PCCA: variants seen among roughly 807,000 people sequenced by gnomAD.
The protein encoded by PCCA is propionyl-CoA carboxylase subunit alpha, also known as propionyl-CoA carboxylase alpha chain, mitochondrial.
In PCCA, 74 loss-of-function variants were observed where a neutral mutation model predicts 101.3. That is an observed-to-expected ratio of 0.73 (90% CI 0.61 to 0.89). The LOEUF is 0.89. Among genes scored for constraint, PCCA ranks in the 40% least tolerant of loss-of-function variants. The probability of loss-of-function intolerance (pLI) is 0.00; values close to 1 mark genes in which losing one functional copy is unlikely to be tolerated. For missense variants in PCCA, 891 were observed against 907.0 expected, an observed-to-expected ratio of 0.98 and a Z score of 0.23; for synonymous variants, 294 against 313.6, an observed-to-expected ratio of 0.94 and a Z score of 0.66.
chr13:100,382,153 C>T (rs566579008), intron 19 of PCCA, among the ~76,000 whole-genome samples: 43 of 152,268 alleles, frequency 2.8e-4, no homozygotes, highest in Non-Finnish European at 5.3e-4. Flanking sequence ...AATGAGGTCA[C>T]ACGAACTAAT....
chr13:100,093,365 G>GA (rs1210290006), intron 1 of PCCA, among the ~76,000 whole-genome samples: 3 of 152,288 alleles, frequency 2.0e-5, no homozygotes, highest in African/African-American at 7.2e-5. Context: ...TTGGAAGAAG[G>GA]AAGAAGAGAC....
At chr13:100,425,076 G>C (rs895888371) in intron 19 of PCCA, among the ~76,000 whole-genome samples, 2 of 152,044 alleles carry the variant, frequency 1.3e-5, no homozygotes, top group South Asian at 2.1e-4. Flanking sequence ...ATTCATGAAG[G>C]ATGACTGGAT....
chr13:100,427,931 T>C (rs2079267488), intron 20 of PCCA, among the ~76,000 whole-genome samples: 1 of 152,176 alleles, frequency 6.6e-6, no homozygotes, highest in African/African-American at 2.4e-5. Flanking sequence ...ATAGTACAGA[T>C]ATGAACTTCT....
At chr13:100,311,119 C>T (rs981748307) in intron 16 of PCCA, among the ~76,000 whole-genome samples, 4 of 150,786 alleles carry the variant, frequency 2.7e-5, no homozygotes, top group African/African-American at 9.8e-5. Flanking sequence ...CTGTAATCCC[C>T]GCTACTTGGG....
intron 10 of PCCA, 58 bp from the exon 11 acceptor site, chr13:100,268,631 C>T: frequency 9.2e-6 from 11 of 1,196,558 alleles, no homozygotes; most frequent in Admixed American, 3.4e-5. Flanking sequence ...AAAATATTAA[C>T]CATCATCTAC....
chr13:100,226,889 T>TA (rs2060174920), intron 7 of PCCA, among the ~76,000 whole-genome samples: 1 of 152,246 alleles, frequency 6.6e-6, no homozygotes, highest in Admixed American at 6.5e-5. Context: ...ATGAGATAGA[T>TA]ACTGTTATTA....
intron 2 of PCCA, among the ~76,000 whole-genome samples, chr13:100,106,897 G>A (rs2047853859): frequency 6.6e-6 from 1 of 152,142 alleles, no homozygotes; most frequent in Non-Finnish European, 1.5e-5. Context: ...CCCTCAGTGA[G>A]TGATGAATAT....
chr13:100,094,083 C>G, intron 1 of PCCA, among the ~76,000 whole-genome samples: 1 of 151,990 alleles, frequency 6.6e-6, no homozygotes, highest in East Asian at 1.9e-4. Context: ...ACAAAATTAG[C>G]CGGGCATGGT....
At chr13:100,407,440 TA>T (rs1351899888) in intron 19 of PCCA, among the ~76,000 whole-genome samples, 1 of 152,252 alleles carries the variant, frequency 6.6e-6, no homozygotes, top group African/African-American at 2.4e-5. Context: ...ATAAATTATT[TA>T]TTTTGCCAAA....
At chr13:100,154,772 G>T (rs1594411991) in intron 4 of PCCA, 1 of 559,058 alleles carries the variant, frequency 1.8e-6, no homozygotes, top group Non-Finnish European at 3.2e-6. Context: ...GTTAGACAAT[G>T]AATTAGGCTG....
intron 22 of PCCA, among the ~76,000 whole-genome samples, chr13:100,525,761 C>T (rs1054052231): frequency 4.6e-5 from 7 of 152,134 alleles, no homozygotes; most frequent in Middle Eastern, 3.4e-3. Flanking sequence ...ATGTACTTGG[C>T]GGGGGGACGG....
intron 18 of PCCA, among the ~76,000 whole-genome samples, chr13:100,346,424 C>T (rs1011867719): frequency 2.0e-5 from 3 of 152,190 alleles, no homozygotes; most frequent in African/African-American, 7.2e-5. Flanking sequence ...GAAGATGTGA[C>T]TCAGTTGCTG....
intron 19 of PCCA, among the ~76,000 whole-genome samples, chr13:100,386,627 C>T (rs1366621311): frequency 2.6e-5 from 4 of 152,220 alleles, no homozygotes; most frequent in East Asian, 1.9e-4. Flanking sequence ...GTGATCCACC[C>T]GCCTCGGCTT....
Position 100,089,113 on chromosome 13 carries a change from G to A in PCCA, c.-8G>A, listed in dbSNP as rs2152189039. ...AGGTCAGCAGAGGGGCGGTCTGCGG[G>A]GACAACAATGGCGGGGTTCTGGGTC... On this transcript the variant is annotated 5_prime_UTR_variant, in exon 1 of 24. Transcript: ENST00000376285. 1.3e-6 allele frequency: 2 copies of A among 1,490,718 alleles called. No individual in the cohort carries two copies. The highest frequency in any genetic ancestry group is 1.8e-6 in the Non-Finnish European group (2 of 1,116,186). 92.3% of individuals were successfully genotyped at this position (1,490,718 alleles called of 1,614,324 possible).
At chr13:100,244,119 G>A (rs994933800) in intron 8 of PCCA, among the ~76,000 whole-genome samples, 5 of 152,136 alleles carry the variant, frequency 3.3e-5, no homozygotes, top group South Asian at 4.1e-4. Context: ...TGCCAATTTC[G>A]TCTTCAGGAG....
intron 20 of PCCA, among the ~76,000 whole-genome samples, chr13:100,438,847 C>T (rs1345857075): frequency 6.6e-6 from 1 of 152,060 alleles, no homozygotes; most frequent in East Asian, 1.9e-4. Context: ...GAATAATACC[C>T]CAAATGTTGT....
chr13:100,139,711 T>G (rs1448150641), intron 4 of PCCA, among the ~76,000 whole-genome samples: 1 of 152,178 alleles, frequency 6.6e-6, no homozygotes, highest in Non-Finnish European at 1.5e-5. Context: ...TTCAACATTT[T>G]TGTTACTTTG....
At chr13:100,311,526 T>C (rs1449432555) in intron 16 of PCCA, among the ~76,000 whole-genome samples, 1 of 152,136 alleles carries the variant, frequency 6.6e-6, no homozygotes, top group East Asian at 1.9e-4. Flanking sequence ...TCCCAGCACT[T>C]TGGGAGGCTG....
At position 100,504,019 on chromosome 13, in the gene PCCA, C is replaced by T. The variant is rs932001517; in HGVS notation, c.1900-11408C>T. Among the ~76,000 whole-genome samples, 6 of 152,176 alleles carry T rather than the reference C, an allele frequency of 3.9e-5. No individual in the cohort carries two copies. In the South Asian group the frequency reaches 1.2e-3, roughly 32 times the overall value. The stretch of plus-strand genomic sequence containing the variant: ...GTAAAAGATATACAATAAAAATTGA[C>T]ATTACCGAAGGGGAGTGGGATTAGA... On this transcript the variant is annotated intron_variant, in intron 21 of 23. Transcript: ENST00000376285.
Sources: gnomAD v4.1 joint callset for allele counts (sites outside exome capture counted in the v4.1 genomes callset) on GRCh38, gnomAD v4.1.1 for gene constraint, MANE v1.5 for transcripts, NCBI Gene and HGNC (gene_info 2026-07-23, HGNC 2026-07-21) for gene names.